Variants in MTUS2 observed in about 807,000 individuals in gnomAD.
MTUS2 encodes the protein microtubule associated scaffold protein 2, also known as microtubule-associated tumor suppressor candidate 2.
In MTUS2, 40 loss-of-function variants were observed where a neutral mutation model predicts 114.1. The observed-to-expected ratio is 0.35, with a 90% CI of 0.27 to 0.46. The LOEUF (loss-of-function observed/expected upper bound fraction) is 0.46. Among genes scored for constraint, MTUS2 ranks in the 20% least tolerant of loss-of-function variants. The probability of loss-of-function intolerance (pLI) is 1.00; values close to 1 mark genes in which losing one functional copy is unlikely to be tolerated. For missense variants in MTUS2, 1,679 were observed against 1,705.4 expected, an observed-to-expected ratio of 0.98 and a Z score of 0.27; for synonymous variants, 688 against 672.0, an observed-to-expected ratio of 1.02 and a Z score of -0.37.
At chr13:29,450,554 A>G (rs1307746639) in intron 9 of MTUS2, among the ~76,000 whole-genome samples, 2 of 152,198 alleles carry the variant, frequency 1.3e-5, no homozygotes, top group East Asian at 3.9e-4. Flanking sequence ...AGAAAAAATA[A>G]CGAACCTTGG....
chr13:29,149,979 G>A (rs1460682005), intron 5 of MTUS2, among the ~76,000 whole-genome samples: 1 of 152,018 alleles, frequency 6.6e-6, no homozygotes, highest in Non-Finnish European at 1.5e-5. Context: ...TTTTTGATTA[G>A]GATTGCCTTG....
intron 8 of MTUS2, among the ~76,000 whole-genome samples, chr13:29,401,612 C>A (rs1874356853): frequency 1.3e-5 from 2 of 152,134 alleles, no homozygotes; most frequent in African/African-American, 4.8e-5. Context: ...ACTCCAGCAT[C>A]CCCCATGGAT....
rs919090744 is a variant in MTUS2 at position 29,504,180 on chromosome 13, G to T, written c.*974G>T. The T allele has an allele frequency of 4.3e-6, 1 of 232,242 alleles. No individual in the cohort carries two copies. Among genetic ancestry groups the T allele is most frequent in the African/African-American group, 2.2e-5 (1 of 45,168 alleles). 14.4% of individuals were successfully genotyped at this position (232,242 alleles called of 1,614,324 possible). A position where few individuals can be genotyped will look rare whatever the true frequency, so the allele number is the denominator to read the frequency against. On this transcript the variant is annotated 3_prime_UTR_variant, in exon 16 of 16. Coordinates refer to ENST00000612955, the MANE Select transcript of MTUS2 (RefSeq NM_001033602.4). ...GCGCTCCATCCTCATGAAGGAAATT[G>T]CTGCCAAGGTCTGTATTTTGACCAG...
intron 8 of MTUS2, among the ~76,000 whole-genome samples, chr13:29,363,469 T>C (rs1207851582): frequency 6.6e-6 from 1 of 152,178 alleles, no homozygotes; most frequent in East Asian, 1.9e-4. Context: ...CTAAACTTAC[T>C]AAAAAATTAA....
chr13:29,407,355 A>G (rs1398520562), intron 8 of MTUS2, among the ~76,000 whole-genome samples: 1 of 152,092 alleles, frequency 6.6e-6, no homozygotes, highest in Non-Finnish European at 1.5e-5. Flanking sequence ...TTTCTCTCTA[A>G]AGTATATATT....
At chr13:29,286,089 C>A (rs1374759894) in intron 6 of MTUS2, among the ~76,000 whole-genome samples, 1 of 152,098 alleles carries the variant, frequency 6.6e-6, no homozygotes, top group Non-Finnish European at 1.5e-5. Context: ...CCATGCCTGG[C>A]AAATTTTTGT....
chr13:29,046,740 CT>C (rs66538233), intron 4 of MTUS2, among the ~76,000 whole-genome samples: 144,344 of 151,630 alleles, frequency 0.95, 68,829 homozygotes, highest in Non-Finnish European at 0.98. Context: ...TCCTTTTGTC[CT>C]TTTTCCCTTT....
intron 4 of MTUS2, among the ~76,000 whole-genome samples, chr13:29,037,876 C>T (rs923533419): frequency 3.3e-5 from 5 of 152,146 alleles, no homozygotes; most frequent in Non-Finnish European, 7.4e-5. Context: ...CATTTATGTT[C>T]TTCTCTAGAC....
rs184911774 is a variant in MTUS2 at position 29,446,539 on chromosome 13, C to T, written c.3184+6490C>T. ...CTACAGTAAGTTCCTTTTCTTTGAG[C>T]ATTTGGATTTTTACCATTTTTTGCT... On this transcript the variant is annotated intron_variant, in intron 9 of 15. Coordinates refer to ENST00000612955, the MANE Select transcript of MTUS2 (RefSeq NM_001033602.4). Among the ~76,000 whole-genome samples, 88 of 152,290 alleles carry T rather than the reference C, an allele frequency of 5.8e-4. 1 individual carries two copies. The highest frequency in any genetic ancestry group is 1.9e-3 in the African/African-American group (81 of 41,558).
Position 29,184,696 on chromosome 13 carries a change from G to A in MTUS2, c.2644+83726G>A, listed in dbSNP as rs927891305. ...TTGGGCACAGACGTTAGTGGCACAC[G>A]TGACAAAAAATATAGACTTTACAGA... On this transcript the variant is annotated intron_variant, in intron 5 of 15. Coordinates refer to ENST00000612955, the MANE Select transcript of MTUS2 (RefSeq NM_001033602.4). 5.9e-5 allele frequency among the ~76,000 whole-genome samples: 9 copies of A among 152,122 alleles called. No individual in the cohort carries two copies. The South Asian group carries it at 6.2e-4, about 10-fold the overall frequency.
intron 2 of MTUS2, 124 bp from the exon 3 acceptor site, chr13:29,024,333 A>T: frequency 4.4e-6 from 1 of 226,942 alleles, no homozygotes; most frequent in Non-Finnish European, 8.6e-6. Flanking sequence ...AGGTTTTTTG[A>T]GAAAACTATT....
intron 2 of MTUS2, among the ~76,000 whole-genome samples, chr13:29,011,201 AT>A (rs2138421759): frequency 6.6e-6 from 1 of 152,308 alleles, no homozygotes; most frequent in African/African-American, 2.4e-5. Context: ...TTCTAAAGCG[AT>A]TTTTATATAT....
intron 5 of MTUS2, among the ~76,000 whole-genome samples, chr13:29,243,793 C>T (rs1050904043): frequency 6.6e-6 from 1 of 152,196 alleles, no homozygotes; most frequent in Non-Finnish European, 1.5e-5. Flanking sequence ...AACAGAAACT[C>T]ATTCAGCTGG....
chr13:29,343,690 G>A (rs986040214), intron 7 of MTUS2, among the ~76,000 whole-genome samples: 4 of 87,474 alleles, frequency 4.6e-5, no homozygotes, highest in Admixed American at 1.5e-4. Flanking sequence ...TCTTCTGCTG[G>A]ATTTCAGTTT....
At chr13:28,996,701 A>G (rs1250599078) in intron 2 of MTUS2, among the ~76,000 whole-genome samples, 1 of 151,874 alleles carries the variant, frequency 6.6e-6, no homozygotes, top group Non-Finnish European at 1.5e-5. Context: ...TGTTTATAGT[A>G]TTTTCTGATG....
At chr13:29,465,783 C>T (rs1316285829) in intron 9 of MTUS2, among the ~76,000 whole-genome samples, 1 of 152,218 alleles carries the variant, frequency 6.6e-6, no homozygotes. Context: ...TACATTTAAT[C>T]CTGGCCTCTG....
intron 8 of MTUS2, among the ~76,000 whole-genome samples, chr13:29,389,709 A>ATACATACATATGTG: frequency 6.9e-6 from 1 of 144,614 alleles, no homozygotes; most frequent in African/African-American, 2.6e-5. Flanking sequence ...ATATGTGTAT[A>ATACATACATATGTG]TGTATATATA....
rs558730766 is a variant in MTUS2 at position 29,381,627 on chromosome 13, C to A, written c.3117+22154C>A. 3.9e-5 allele frequency among the ~76,000 whole-genome samples: 6 copies of A among 152,288 alleles called. No homozygotes were observed. In the South Asian group the frequency reaches 6.2e-4, roughly 16 times the overall value. ...CTAAAGTCACACTATTAAATTGGAACAGGGCTGGGATCTGAAGCAAGGTCA... is the reference window on the plus strand; with the variant it reads ...CTAAAGTCACACTATTAAATTGGAAAAGGGCTGGGATCTGAAGCAAGGTCA... On this transcript the variant is annotated intron_variant, in intron 8 of 15. Transcript: ENST00000612955.
chr13:28,879,205 T>A (rs1023118577), intron 2 of MTUS2, among the ~76,000 whole-genome samples: 6 of 152,200 alleles, frequency 3.9e-5, no homozygotes, highest in African/African-American at 1.4e-4. Flanking sequence ...CCTTGTAGAC[T>A]CTGGATATTA....
Sources: gnomAD v4.1 joint callset for allele counts (sites outside exome capture counted in the v4.1 genomes callset) on GRCh38, gnomAD v4.1.1 for gene constraint, MANE v1.5 for transcripts, NCBI Gene and HGNC (gene_info 2026-07-23, HGNC 2026-07-21) for gene names.